Variants in POLR3B observed in about 807,000 individuals in gnomAD.
The protein encoded by POLR3B is RNA polymerase III subunit B.
Under a neutral mutation model 147.4 loss-of-function variants are expected in POLR3B, and 96 were observed. That is an observed-to-expected ratio of 0.65 (90% CI 0.55 to 0.77). POLR3B has a LOEUF of 0.77. Among genes scored for constraint, POLR3B ranks in the 30% least tolerant of loss-of-function variants. POLR3B has a pLI of 0.00. For missense variants in POLR3B, 1,036 were observed against 1,413.5 expected, an observed-to-expected ratio of 0.73 and a Z score of 4.28; for synonymous variants, 461 against 485.9, an observed-to-expected ratio of 0.95 and a Z score of 0.67.
intron 13 of POLR3B, among the ~76,000 whole-genome samples, chr12:106,429,239 GC>G (rs762312855): frequency 1.3e-5 from 2 of 152,066 alleles, no homozygotes; most frequent in Non-Finnish European, 2.9e-5. Flanking sequence ...TGCAGCCCCT[GC>G]CTTTTGGGCT....
chr12:106,462,764 T>G (rs2037957436), intron 22 of POLR3B, among the ~76,000 whole-genome samples: 1 of 152,150 alleles, frequency 6.6e-6, no homozygotes, highest in African/African-American at 2.4e-5. Flanking sequence ...AGGCCTTCGC[T>G]CAGGTTGCCA....
chr12:106,438,120 C>A (rs2037602229), intron 18 of POLR3B, among the ~76,000 whole-genome samples: 1 of 152,078 alleles, frequency 6.6e-6, no homozygotes, highest in South Asian at 2.1e-4. Flanking sequence ...CAGCTTCCAC[C>A]TGTGAGTGAG....
chr12:106,398,189 C>T lies in POLR3B; in HGVS notation c.846+5036C>T, dbSNP rs547140310. On this transcript the variant is annotated intron_variant, in intron 10 of 27. Transcript: ENST00000228347. ...AACGGCACACCAGGAGATTATATCCCGCACATGACTCGGAGGGTCCTATGC... is the reference window on the plus strand; with the variant it reads ...AACGGCACACCAGGAGATTATATCCTGCACATGACTCGGAGGGTCCTATGC... 3.3e-5 allele frequency among the ~76,000 whole-genome samples: 5 copies of T among 152,346 alleles called. No individual in the cohort carries two copies. The South Asian group carries it at 8.3e-4, about 25-fold the overall frequency.
At chr12:106,413,302 G>A (rs1401733787) in intron 12 of POLR3B, among the ~76,000 whole-genome samples, 1 of 152,120 alleles carries the variant, frequency 6.6e-6, no homozygotes, top group African/African-American at 2.4e-5. Flanking sequence ...TTTGTTAGAT[G>A]TACAATTCTA....
intron 9 of POLR3B, among the ~76,000 whole-genome samples, chr12:106,392,428 G>C (rs1033542423): frequency 6.6e-6 from 1 of 152,162 alleles, no homozygotes; most frequent in African/African-American, 2.4e-5. Context: ...CTCCCAAAGT[G>C]CTAGGATTAC....
chr12:106,465,507 C>G (rs1314125261), intron 23 of POLR3B, among the ~76,000 whole-genome samples: 1 of 152,092 alleles, frequency 6.6e-6, no homozygotes, highest in South Asian at 2.1e-4. Flanking sequence ...ATTACATGTG[C>G]AGAACGTGCA....
intron 9 of POLR3B, among the ~76,000 whole-genome samples, chr12:106,392,393 C>T (rs1377409460): frequency 2.6e-5 from 4 of 152,106 alleles, no homozygotes; most frequent in Non-Finnish European, 1.5e-5. Flanking sequence ...GAACTCCCAA[C>T]CTCAGGTGAT....
chr12:106,500,295 A>G (rs1031689809), intron 25 of POLR3B: 112 of 388,840 alleles, frequency 2.9e-4, no homozygotes, highest in Non-Finnish European at 4.7e-4. Flanking sequence ...AAGTACTTAT[A>G]TATTCACCCT....
At chr12:106,472,572 A>G (rs893849282) in intron 23 of POLR3B, among the ~76,000 whole-genome samples, 1 of 151,158 alleles carries the variant, frequency 6.6e-6, no homozygotes, top group East Asian at 1.9e-4. Flanking sequence ...GTGTGAGATG[A>G]TATCTCATAG....
In POLR3B at chr12:106,401,898, G is replaced by C. The variant is rs930462472; in HGVS notation, c.847-3959G>C. Reference sequence around the variant, plus strand: ...CTGGAAGCATTCCCTTTGAAAACTGGCACAGGACAGGGATGCCCTCTCTCA... The same window carrying C: ...CTGGAAGCATTCCCTTTGAAAACTGCCACAGGACAGGGATGCCCTCTCTCA... On this transcript the variant is annotated intron_variant, in intron 10 of 27. Transcript: ENST00000228347. 1.1e-3 allele frequency among the ~76,000 whole-genome samples: 167 copies of C among 152,252 alleles called. 2 individuals carry two copies. Among genetic ancestry groups the C allele is most frequent in the African/African-American group, 3.9e-3 (162 of 41,540 alleles).
At chr12:106,441,497 A>G (rs1373886539) in intron 18 of POLR3B, among the ~76,000 whole-genome samples, 2 of 152,214 alleles carry the variant, frequency 1.3e-5, no homozygotes, top group African/African-American at 4.8e-5. Context: ...GTATCAAAAC[A>G]TATCTAAACA....
intron 23 of POLR3B, among the ~76,000 whole-genome samples, chr12:106,490,261 CGTGT>C (rs984195257): frequency 6.6e-6 from 1 of 152,088 alleles, no homozygotes; most frequent in African/African-American, 2.4e-5. Flanking sequence ...CACATTCAGC[CGTGT>C]GTATTTTGTA....
chr12:106,453,242 G>A (rs549740469), intron 19 of POLR3B, among the ~76,000 whole-genome samples: 2 of 151,956 alleles, frequency 1.3e-5, no homozygotes, highest in South Asian at 4.2e-4. Context: ...GAACTCCTAA[G>A]CTCAAGCAGT....
chr12:106,456,521 C>T (rs2037865081), intron 20 of POLR3B, among the ~76,000 whole-genome samples: 1 of 152,088 alleles, frequency 6.6e-6, no homozygotes, highest in Non-Finnish European at 1.5e-5. Flanking sequence ...TCTGTCTCTT[C>T]TCTGGAGAAA....
rs1189183751 is a variant in POLR3B at position 106,447,632 on chromosome 12, G to A, written c.2083+3042G>A. Among the ~76,000 whole-genome samples, 5 of 152,152 alleles carry A rather than the reference G, an allele frequency of 3.3e-5. 1 individual carries two copies. The South Asian group carries it at 8.3e-4, about 25-fold the overall frequency. On this transcript the variant is annotated intron_variant, in intron 19 of 27. Coordinates refer to ENST00000228347, the MANE Select transcript of POLR3B (RefSeq NM_018082.6). Reference sequence around the variant, plus strand: ...ATTTTGTGTCCTCTCATCGGCACCCGATGCCAAGTTCACATGAGCCACACT... The same window carrying A: ...ATTTTGTGTCCTCTCATCGGCACCCAATGCCAAGTTCACATGAGCCACACT...
At chr12:106,477,336 C>G (rs1394673494) in intron 23 of POLR3B, among the ~76,000 whole-genome samples, 1 of 118,618 alleles carries the variant, frequency 8.4e-6, no homozygotes, top group East Asian at 2.0e-4. Context: ...TGCCCTGCCC[C>G]CAGAGGTGGA....
chr12:106,494,263 T>C (rs1473333598), intron 23 of POLR3B, among the ~76,000 whole-genome samples: 1 of 152,140 alleles, frequency 6.6e-6, no homozygotes, highest in East Asian at 1.9e-4. Context: ...CCAATATAAG[T>C]ATGTCATGCT....
rs201081405 is a variant in POLR3B at position 106,393,422 on chromosome 12, G to GT, written c.846+278dup. ...TTGTTTTGATATAATAGGAAGTACT[G>GT]TTTTTTTTTCCTTATTTGCCTGAGT... On this transcript the variant is annotated intron_variant, in intron 10 of 27. Transcript: ENST00000228347. Among the ~76,000 whole-genome samples the GT allele has an allele frequency of 3.0e-3, 448 of 148,358 alleles. 4 individuals carry two copies. Among genetic ancestry groups the GT allele is most frequent in the African/African-American group, 0.01 (402 of 40,040 alleles).
chr12:106,494,939 G>T (rs570457864), intron 23 of POLR3B, among the ~76,000 whole-genome samples: 3 of 152,028 alleles, frequency 2.0e-5, no homozygotes, highest in Non-Finnish European at 4.4e-5. Context: ...TTAGCTCCTG[G>T]TGATTACAAC....
Sources: allele counts gnomAD v4.1 joint callset (sites outside exome capture counted in the v4.1 genomes callset), GRCh38; gene constraint gnomAD v4.1.1; transcripts MANE v1.5; gene names NCBI Gene and HGNC (gene_info 2026-07-23, HGNC 2026-07-21).